Variants in GABRB1 observed in about 807,000 individuals in gnomAD.
GABRB1 encodes the protein gamma-aminobutyric acid receptor subunit beta-1.
In GABRB1, 17 loss-of-function variants were observed where a neutral mutation model predicts 51.6. The observed-to-expected ratio is 0.33, with a 90% CI of 0.23 to 0.49. The LOEUF (loss-of-function observed/expected upper bound fraction) is 0.49, where lower values mean the gene tolerates loss of function less well. Ranked by LOEUF, GABRB1 falls within the 20% of genes least tolerant of loss-of-function variation. GABRB1 has a pLI of 0.99. For missense variants in GABRB1, 410 were observed against 600.6 expected (o/e 0.68, Z 3.32); for synonymous variants, 247 against 218.9 (o/e 1.13, Z -1.14).
At chr4:47,214,919 A>C (rs1164769270) in intron 4 of GABRB1, among the ~76,000 whole-genome samples, 1 of 152,188 alleles carries the variant, frequency 6.6e-6, no homozygotes. Context: ...AGCCCTAAGT[A>C]AAGACCATAT....
intron 8 of GABRB1, among the ~76,000 whole-genome samples, chr4:47,412,399 A>G (rs1728787350): frequency 1.3e-5 from 2 of 152,180 alleles, no homozygotes; most frequent in Admixed American, 1.3e-4. Flanking sequence ...CATATTCATA[A>G]TAAGTAAGAA....
chr4:47,016,490 G>A (rs1216467120), intron 1 of GABRB1, among the ~76,000 whole-genome samples: 1 of 152,092 alleles, frequency 6.6e-6, no homozygotes, highest in African/African-American at 2.4e-5. Context: ...TAATTTTATG[G>A]ATAAAAGGAA....
intron 4 of GABRB1, among the ~76,000 whole-genome samples, chr4:47,191,877 A>C (rs1263205462): frequency 3.3e-5 from 5 of 152,158 alleles, no homozygotes; most frequent in African/African-American, 1.2e-4. Context: ...AAACTCTTGT[A>C]ATTGGAAAAC....
chr4:47,261,067 T>C (rs1374377579), intron 4 of GABRB1, among the ~76,000 whole-genome samples: 2 of 152,158 alleles, frequency 1.3e-5, no homozygotes, highest in African/African-American at 2.4e-5. Context: ...ATAAGACCTA[T>C]CTATGACGAA....
At chr4:47,050,093 G>A (rs1726277869) in intron 3 of GABRB1, among the ~76,000 whole-genome samples, 1 of 152,146 alleles carries the variant, frequency 6.6e-6, no homozygotes, top group South Asian at 2.1e-4. Flanking sequence ...CTATAACCAG[G>A]AAAACATATT....
At chr4:47,160,258 T>C (rs1717879184) in intron 3 of GABRB1, among the ~76,000 whole-genome samples, 2 of 152,100 alleles carry the variant, frequency 1.3e-5, no homozygotes, top group South Asian at 4.1e-4. Context: ...CAATTTCAAC[T>C]CTGAATTCAA....
intron 4 of GABRB1, among the ~76,000 whole-genome samples, chr4:47,293,390 C>T (rs1469704165): frequency 1.3e-5 from 2 of 152,158 alleles, no homozygotes; most frequent in Admixed American, 6.5e-5. Context: ...CCACCCACCT[C>T]GGCCTCCCAA....
At chr4:47,390,067 A>C (rs1048895095) in intron 5 of GABRB1, among the ~76,000 whole-genome samples, 3 of 152,246 alleles carry the variant, frequency 2.0e-5, no homozygotes, top group Admixed American at 2.0e-4. Context: ...GCTAAAAGAG[A>C]AAAAGAAATT....
rs534587459 is a variant in GABRB1 at position 47,050,253 on chromosome 4, G to C, written c.240+17769G>C. On this transcript the variant is annotated intron_variant, in intron 3 of 8. Transcript: ENST00000295454. ...GAACTTCAAGAAAGTTACCAGTTAG[G>C]CATAATGCATTGTGGATTTCACTGA... 2.6e-5 allele frequency among the ~76,000 whole-genome samples: 4 copies of C among 152,212 alleles called. No homozygotes were observed. In the South Asian group the frequency reaches 8.3e-4, roughly 32 times the overall value.
At chr4:47,313,380 C>A (rs1435586284) in intron 4 of GABRB1, among the ~76,000 whole-genome samples, 3 of 152,130 alleles carry the variant, frequency 2.0e-5, no homozygotes, top group African/African-American at 7.2e-5. Flanking sequence ...TCAATCTTTT[C>A]AATTTATAAT....
At chr4:47,031,224 G>C (rs28714502), upstream of GABRB1, 3,709 of 178,210 alleles carry the variant, frequency 0.021, 135 homozygotes, top group African/African-American at 0.084. Flanking sequence ...CCCTCCTCCA[G>C]AGTCCCCGTT....
At chr4:47,256,758 G>A (rs1722217584) in intron 4 of GABRB1, among the ~76,000 whole-genome samples, 1 of 152,094 alleles carries the variant, frequency 6.6e-6, no homozygotes, top group Non-Finnish European at 1.5e-5. Context: ...ACTGTCAGAA[G>A]AACAGCAAGA....
chr4:47,126,651 G>A (rs1407377473), intron 3 of GABRB1, among the ~76,000 whole-genome samples: 2 of 151,856 alleles, frequency 1.3e-5, no homozygotes, highest in African/African-American at 4.8e-5. Flanking sequence ...TGACTATGAT[G>A]TCGATATAAG....
chr4:47,353,611 T>A (rs572168944), intron 5 of GABRB1, among the ~76,000 whole-genome samples: 1 of 152,302 alleles, frequency 6.6e-6, no homozygotes, highest in East Asian at 1.9e-4. Flanking sequence ...TGGGAATGAA[T>A]ACCTATCTTG....
At chr4:47,077,100 G>T (rs1187069861) in intron 3 of GABRB1, among the ~76,000 whole-genome samples, 1 of 152,042 alleles carries the variant, frequency 6.6e-6, no homozygotes, top group African/African-American at 2.4e-5. Context: ...CTTCTTTACT[G>T]CATGCCCCCA....
chr4:47,169,141 A>G (rs1272901666), intron 4 of GABRB1, among the ~76,000 whole-genome samples: 1 of 152,152 alleles, frequency 6.6e-6, no homozygotes. Context: ...TCAACCCATA[A>G]TAGCAACTGA....
chr4:47,221,155 C>T lies in GABRB1; in HGVS notation c.461+59686C>T, dbSNP rs185673667. ...TTACATTTCTAAATGTAAATAAATA[C>T]CATCTACATTTCAAAGTCATCTTTT... On this transcript the variant is annotated intron_variant, in intron 4 of 8. Transcript: ENST00000295454. Among the ~76,000 whole-genome samples, 452 of 151,980 alleles carry T rather than the reference C, an allele frequency of 3.0e-3. 2 individuals are homozygous for T. The highest frequency in any genetic ancestry group is 0.011 in the African/African-American group (441 of 41,476).
At chr4:47,227,170 C>T (rs541589854) in intron 4 of GABRB1, among the ~76,000 whole-genome samples, 1 of 152,264 alleles carries the variant, frequency 6.6e-6, no homozygotes, top group South Asian at 2.1e-4. Context: ...GGCTCTGCAG[C>T]TTCACTCATT....
chr4:47,393,128 T>C (rs28463873), intron 5 of GABRB1, among the ~76,000 whole-genome samples: 2 of 152,240 alleles, frequency 1.3e-5, no homozygotes, highest in Non-Finnish European at 2.9e-5. Flanking sequence ...TAGCTTTCTG[T>C]GATCCTGGAA....
Sources: gnomAD v4.1 joint callset for allele counts (sites outside exome capture counted in the v4.1 genomes callset) on GRCh38, gnomAD v4.1.1 for gene constraint, MANE v1.5 for transcripts, NCBI Gene and HGNC (gene_info 2026-07-23, HGNC 2026-07-21) for gene names.